Variants in SLC39A12 observed in about 807,000 individuals in gnomAD.
The protein encoded by SLC39A12 is solute carrier family 39 member 12.
In SLC39A12, 63 loss-of-function variants were observed where a neutral mutation model predicts 71.1. The ratio of observed to expected loss-of-function variants is 0.89; its 90% CI spans 0.72 to 1.09. The LOEUF (loss-of-function observed/expected upper bound fraction) is 1.09, where lower values mean the gene tolerates loss of function less well. Ranked by LOEUF, SLC39A12 falls within the 50% of genes least tolerant of loss-of-function variation. SLC39A12 has a pLI of 0.00. For synonymous variants in SLC39A12, 351 were observed against 301.3 expected, an observed-to-expected ratio of 1.16 and a Z score of -1.71; for missense variants, 892 against 812.6, an observed-to-expected ratio of 1.10 and a Z score of -1.19.
At chr10:17,979,227 G>A (rs1272299181) in intron 5 of SLC39A12, among the ~76,000 whole-genome samples, 4 of 152,078 alleles carry the variant, frequency 2.6e-5, no homozygotes. Flanking sequence ...AGAATATAAT[G>A]AGTCCCCAGT....
intron 2 of SLC39A12, among the ~76,000 whole-genome samples, chr10:17,956,076 C>T (rs572004625): frequency 6.6e-6 from 1 of 152,154 alleles, no homozygotes; most frequent in Non-Finnish European, 1.5e-5. Context: ...TGGACAAACA[C>T]ATGTTCCTCA....
chr10:17,965,738 A>C (rs763230592), intron 4 of SLC39A12, 48 bp downstream of exon 4: 58 of 1,467,568 alleles, frequency 4.0e-5, no homozygotes, highest in Non-Finnish European at 5.5e-5. Context: ...CCTGCTAAAT[A>C]AACTATGCCA....
At chr10:17,964,652 G>A (rs2130783573) in intron 3 of SLC39A12, among the ~76,000 whole-genome samples, 1 of 152,268 alleles carries the variant, frequency 6.6e-6, no homozygotes, top group South Asian at 2.1e-4. Context: ...TGTCCTCTGG[G>A]AGTTCAAAGA....
chr10:17,979,747 A>G (rs1835206167), intron 5 of SLC39A12, among the ~76,000 whole-genome samples: 1 of 152,174 alleles, frequency 6.6e-6, no homozygotes, highest in Non-Finnish European at 1.5e-5. Flanking sequence ...GTTGGCACCC[A>G]TGTTTGAACA....
chr10:17,965,556 C>T lies in SLC39A12; in HGVS notation c.617C>T (p.Pro206Leu), dbSNP rs1177590484. Residue 206 changes from proline (P) to leucine (L), a missense_variant, in exon 4 of 13, where the codon CCT becomes CTT. Transcript: ENST00000377369. ...SSEGANESTL[P>L]QLAAMIITLS... ...GAAGGTGCTAATGAAAGTACGCTTC[C>T]TCAGTTGGCAGCCATGATCATTACT... 6.2e-7 allele frequency: 1 copy of T among 1,614,176 alleles called. No individual in the cohort carries two copies. The highest frequency in any genetic ancestry group is 8.5e-7 in the Non-Finnish European group (1 of 1,180,030).
At chr10:18,000,027 G>A (rs1014318485) in intron 10 of SLC39A12, among the ~76,000 whole-genome samples, 3 of 152,194 alleles carry the variant, frequency 2.0e-5, no homozygotes, top group Non-Finnish European at 4.4e-5. Flanking sequence ...AACTACCATA[G>A]ACTGGATGGC....
chr10:17,953,299 C>T lies in SLC39A12; in HGVS notation c.23C>T (p.Ser8Leu). The T allele has an allele frequency of 1.2e-6, 2 of 1,614,182 alleles. No homozygotes were observed. The highest frequency in any genetic ancestry group is 8.5e-7 in the Non-Finnish European group (1 of 1,180,020). MCFRTKLSVSWVPLFLLL... is the reference protein window; with the variant it reads MCFRTKLLVSWVPLFLLL... ...GAAATGTGCTTCCGGACAAAGCTCT[C>T]AGTATCCTGGGTGCCATTGTTTCTT... is the stretch of plus-strand genomic sequence containing the variant. Residue 8 changes from serine to leucine, a missense_variant, in exon 2 of 13, where the codon TCA becomes TTA. Physicochemically the swap from Ser to Leu is moderately radical, Grantham distance 145. Transcript: ENST00000377369.
intron 12 of SLC39A12, among the ~76,000 whole-genome samples, chr10:18,034,539 GTC>G (rs1308705819): frequency 2.7e-5 from 4 of 150,928 alleles, no homozygotes; most frequent in Admixed American, 2.6e-4. Context: ...GCCTATGTGT[GTC>G]TCTGCACATG....
chr10:18,026,018 C>T (rs891124479), intron 12 of SLC39A12, among the ~76,000 whole-genome samples: 1 of 152,160 alleles, frequency 6.6e-6, no homozygotes, highest in Non-Finnish European at 1.5e-5. Context: ...CATATTCATT[C>T]ATTTCACTTA....
At chr10:18,042,341 C>A (rs1837280035) in intron 12 of SLC39A12, among the ~76,000 whole-genome samples, 1 of 151,044 alleles carries the variant, frequency 6.6e-6, no homozygotes, top group African/African-American at 2.4e-5. Flanking sequence ...TAGCTGGGTG[C>A]AATGGCACGC....
intron 10 of SLC39A12, 101 bp from the exon 11 acceptor site, chr10:18,000,566 A>G: frequency 9.3e-7 from 1 of 1,080,926 alleles, no homozygotes; most frequent in South Asian, 1.5e-5. Context: ...ATGGAATATA[A>G]GAATGTCAAG....
At chr10:18,013,346 T>TTTTTTTTTA (rs57028037) in intron 12 of SLC39A12, among the ~76,000 whole-genome samples, 9 of 139,846 alleles carry the variant, frequency 6.4e-5, no homozygotes, top group Admixed American at 5.0e-4. Flanking sequence ...TCCAACTTTA[T>TTTTTTTTTA]TTATTATTAT....
intron 4 of SLC39A12, among the ~76,000 whole-genome samples, chr10:17,973,057 T>G (rs1210121732): frequency 6.6e-6 from 1 of 152,122 alleles, no homozygotes; most frequent in Admixed American, 6.5e-5. Context: ...AATCCATTAT[T>G]TTAAACTGAC....
At chr10:18,036,780 A>ATTTTTTTTTTT (rs1564665960) in intron 12 of SLC39A12, among the ~76,000 whole-genome samples, 1 of 7,050 alleles carries the variant, frequency 1.4e-4, no homozygotes. Context: ...ATATATATAT[A>ATTTTTTTTTTT]TATATATATA....
At chr10:18,016,393 GAAT>G (rs1836384127) in intron 12 of SLC39A12, among the ~76,000 whole-genome samples, 1 of 152,012 alleles carries the variant, frequency 6.6e-6, no homozygotes, top group African/African-American at 2.4e-5. Flanking sequence ...TTTTAGTGCT[GAAT>G]AATATTTCAC....
chr10:17,984,023 A>G (rs1394354957), intron 6 of SLC39A12, among the ~76,000 whole-genome samples: 2 of 152,206 alleles, frequency 1.3e-5, no homozygotes, highest in Non-Finnish European at 2.9e-5. Context: ...TATTATGGCC[A>G]TGTACAAATT....
intron 12 of SLC39A12, among the ~76,000 whole-genome samples, chr10:18,011,095 CCTTT>C (rs1466940540): frequency 1.3e-5 from 2 of 151,982 alleles, no homozygotes; most frequent in Admixed American, 1.3e-4. Context: ...TTCCTTCCTT[CCTTT>C]CTTTTTTTGA....
intron 11 of SLC39A12, among the ~76,000 whole-genome samples, chr10:18,001,363 A>C (rs952902120): frequency 6.6e-6 from 1 of 152,068 alleles, no homozygotes; most frequent in Non-Finnish European, 1.5e-5. Context: ...AAAAACAAAA[A>C]CTTAGCCAGG....
intron 12 of SLC39A12, among the ~76,000 whole-genome samples, chr10:18,034,799 C>T (rs201219514): frequency 0.097 from 14,459 of 148,818 alleles, 1,047 homozygotes; most frequent in East Asian, 0.21. Context: ...TTGTTCCTTT[C>T]CATGTTTAGC....
Sources: gnomAD v4.1 joint callset for allele counts (sites outside exome capture counted in the v4.1 genomes callset) on GRCh38, gnomAD v4.1.1 for gene constraint, MANE v1.5 for transcripts, NCBI Gene and HGNC (gene_info 2026-07-23, HGNC 2026-07-21) for gene names.